SLC20A2: variants seen among roughly 807,000 people sequenced by gnomAD.
SLC20A2 encodes the protein solute carrier family 20 member 2.
In SLC20A2, 30 loss-of-function variants were observed where a neutral mutation model predicts 61.0. The ratio of observed to expected loss-of-function variants is 0.49; its 90% CI spans 0.37 to 0.67. The LOEUF (loss-of-function observed/expected upper bound fraction) is 0.67, where lower values mean the gene tolerates loss of function less well. Ranked by LOEUF, SLC20A2 falls within the 30% of genes least tolerant of loss-of-function variation. SLC20A2 has a pLI of 0.00. For missense variants in SLC20A2, 626 were observed against 866.4 expected, an observed-to-expected ratio of 0.72 and a Z score of 3.48; for synonymous variants, 351 against 353.3, an observed-to-expected ratio of 0.99 and a Z score of 0.07.
rs200469528 is a variant in SLC20A2, at chr8:42,430,132, G to A, written c.1641C>T (p.Gly547=). ...LFYGGVGICT[G]LWVWGRRVIQ... ...TCACTCTTCTCCCCCAGACCCAGAG[G>A]CCTGTGCAGATTCCAACTCCTCCAT... Residue 547 remains glycine (G), a synonymous_variant, in exon 9 of 11, where the codon GGC becomes GGT. Transcript: ENST00000520262. 10 of 1,614,028 alleles carry A rather than the reference G, an allele frequency of 6.2e-6. No homozygotes were observed. In the African/African-American group the frequency reaches 1.2e-4, roughly 19 times the overall value.
intron 1 of SLC20A2, among the ~76,000 whole-genome samples, chr8:42,524,816 T>TAAA (rs1811822054): frequency 6.8e-6 from 1 of 148,018 alleles, no homozygotes; most frequent in Non-Finnish European, 1.5e-5. Context: ...TAAATAAAAA[T>TAAA]AAAAATAAAA....
chr8:42,503,172 A>G (rs1404215468), upstream of SLC20A2, among the ~76,000 whole-genome samples: 1 of 152,170 alleles, frequency 6.6e-6, no homozygotes, highest in African/African-American at 2.4e-5. Flanking sequence ...TTCCAAATAA[A>G]AGAGTCTCCT....
rs569829933 is a variant in SLC20A2, at chr8:42,468,772, G to A, written c.290-2855C>T. 2.5e-3 allele frequency among the ~76,000 whole-genome samples: 388 copies of A among 152,274 alleles called. 2 individuals carry two copies. The highest frequency in any genetic ancestry group is 8.7e-3 in the African/African-American group (362 of 41,550). ...GGGTGGGGTGGCAGAGTGTGGCTGG[G>A]CAGAGGGAGCTGGAAGGGGGCTGTG... On this transcript the variant is annotated intron_variant, in intron 2 of 10. Transcript: ENST00000520262.
intron 1 of SLC20A2, among the ~76,000 whole-genome samples, chr8:42,526,180 T>C (rs756373345): frequency 6.6e-6 from 1 of 152,118 alleles, no homozygotes; most frequent in Non-Finnish European, 1.5e-5. Context: ...TGATGAGTCA[T>C]GTTGACTGTA....
chr8:42,497,676 C>T (rs1311035961), intron 1 of SLC20A2, among the ~76,000 whole-genome samples: 1 of 151,968 alleles, frequency 6.6e-6, no homozygotes, highest in Non-Finnish European at 1.5e-5. Context: ...AAGTTCCCTA[C>T]CCTCTTATCA....
intron 10 of SLC20A2, 37 bp downstream of exon 10, chr8:42,428,721 C>T (rs371847048): frequency 3.0e-5 from 47 of 1,573,004 alleles, no homozygotes; most frequent in African/African-American, 9.5e-5. Flanking sequence ...CCTGTCCCAG[C>T]GGCCTGGGGA....
At chr8:42,480,690 C>T (rs1167415351) in intron 1 of SLC20A2, among the ~76,000 whole-genome samples, 2 of 152,100 alleles carry the variant, frequency 1.3e-5, no homozygotes, top group Admixed American at 1.3e-4. Flanking sequence ...GAGACAGAGT[C>T]GGTCTGTTGT....
At chr8:42,538,269 A>T (rs1812835458) in intron 1 of SLC20A2, 1 of 148,432 alleles carries the variant, frequency 6.7e-6, no homozygotes, top group Admixed American at 6.7e-5. Flanking sequence ...ATTATATATT[A>T]TAGGTATTAT....
intron 8 of SLC20A2, among the ~76,000 whole-genome samples, chr8:42,433,378 C>T (rs1385279918): frequency 2.0e-5 from 3 of 152,128 alleles, no homozygotes; most frequent in African/African-American, 7.2e-5. Context: ...GGCTGGAGTG[C>T]AGTGACATGA....
At chr8:42,447,529 T>C (rs2131071647) in intron 5 of SLC20A2, among the ~76,000 whole-genome samples, 1 of 151,792 alleles carries the variant, frequency 6.6e-6, no homozygotes, top group East Asian at 1.9e-4. Flanking sequence ...TACAAAAAAA[T>C]TAGCCAGGCG....
chr8:42,426,653 C>T (rs574152020), intron 10 of SLC20A2, among the ~76,000 whole-genome samples: 2 of 152,092 alleles, frequency 1.3e-5, no homozygotes, highest in Non-Finnish European at 2.9e-5. Context: ...TGGGACCATG[C>T]CACCGCACTC....
intron 10 of SLC20A2, among the ~76,000 whole-genome samples, chr8:42,424,755 A>G (rs1203609335): frequency 1.3e-5 from 2 of 152,200 alleles, no homozygotes; most frequent in Non-Finnish European, 2.9e-5. Flanking sequence ...AATTGAAACT[A>G]TGCACTTAGG....
intron 10 of SLC20A2, among the ~76,000 whole-genome samples, chr8:42,426,482 G>A (rs528269545): frequency 2.0e-5 from 3 of 152,324 alleles, no homozygotes; most frequent in Admixed American, 1.3e-4. Flanking sequence ...GATCACCTGA[G>A]GTCAGGAGTT....
chr8:42,493,885 C>G (rs985842183), intron 1 of SLC20A2, among the ~76,000 whole-genome samples: 1 of 152,186 alleles, frequency 6.6e-6, no homozygotes, highest in Non-Finnish European at 1.5e-5. Flanking sequence ...TGGCTTATCT[C>G]TGTAATCCCA....
chr8:42,429,266 G>A (rs568083208), intron 9 of SLC20A2, among the ~76,000 whole-genome samples: 47 of 152,272 alleles, frequency 3.1e-4, no homozygotes, highest in Admixed American at 8.5e-4. Flanking sequence ...TTATTGAAAT[G>A]AATTTCAAGT....
At chr8:42,476,775 G>T (rs760239649) in intron 1 of SLC20A2, among the ~76,000 whole-genome samples, 5 of 152,120 alleles carry the variant, frequency 3.3e-5, no homozygotes, top group Non-Finnish European at 7.3e-5. Context: ...GAGGAAAAAG[G>T]CTTGCCACCT....
Position 42,473,470 on chromosome 8 carries a change from C to T in SLC20A2, c.-264-816G>A, listed in dbSNP as rs544483247. On this transcript the variant is annotated intron_variant, in intron 1 of 10. Coordinates refer to ENST00000520262, the MANE Select transcript of SLC20A2 (RefSeq NM_001257180.2). ...CTCAGGGCTTTTGTACCTGAGGATC[C>T]CTCTGCAGGAAGAATCTTCCCCCAC... Among the ~76,000 whole-genome samples, 12 of 152,186 alleles carry T rather than the reference C, an allele frequency of 7.9e-5. No homozygotes were observed. In the East Asian group the frequency reaches 2.3e-3, roughly 29 times the overall value.
At chr8:42,530,801 C>T (rs1812271620) in intron 1 of SLC20A2, among the ~76,000 whole-genome samples, 1 of 152,130 alleles carries the variant, frequency 6.6e-6, no homozygotes, top group Non-Finnish European at 1.5e-5. Flanking sequence ...CTGCAACCTC[C>T]ACCTCCCGGG....
Position 42,439,431 on chromosome 8 carries a change from C to A in SLC20A2, c.934+19G>T. 1.2e-6 allele frequency: 2 copies of A among 1,611,860 alleles called. No individual in the cohort carries two copies. Among genetic ancestry groups the A allele is most frequent in the South Asian group, 2.2e-5 (2 of 90,944 alleles). ...TCTCTGTGCTGCCACAGAACCCAAG[C>A]TCTCCAGGCACATCTTACCGTATGC... On this transcript the variant is annotated intron_variant, in intron 7 of 10. Coordinates refer to ENST00000520262, the MANE Select transcript of SLC20A2 (RefSeq NM_001257180.2).
Sources: allele counts gnomAD v4.1 joint callset (sites outside exome capture counted in the v4.1 genomes callset), GRCh38; gene constraint gnomAD v4.1.1; transcripts MANE v1.5; gene names NCBI Gene and HGNC (gene_info 2026-07-23, HGNC 2026-07-21).